Variants in PRKCZ observed in about 807,000 individuals in gnomAD.
PRKCZ encodes the protein protein kinase C zeta type.
In PRKCZ, 33 loss-of-function variants were observed where a neutral mutation model predicts 79.5. That is an observed-to-expected ratio of 0.41 (90% CI 0.31 to 0.55). The LOEUF (loss-of-function observed/expected upper bound fraction) is 0.55. Among genes scored for constraint, PRKCZ ranks in the 20% least tolerant of loss-of-function variants. PRKCZ has a pLI of 0.19. For missense variants in PRKCZ, 578 were observed against 813.5 expected, an observed-to-expected ratio of 0.71 and a Z score of 3.52; for synonymous variants, 342 against 320.9, an observed-to-expected ratio of 1.07 and a Z score of -0.70.
chr1:2,143,304 C>G (rs955242136), intron 5 of PRKCZ: 1 of 152,326 alleles, frequency 6.6e-6, no homozygotes, highest in African/African-American at 2.4e-5. Context: ...GCTGGGATTA[C>G]AGGCGTGAGC....
intron 4 of PRKCZ, 73 bp downstream of exon 4, chr1:2,059,664 G>T (rs879507246): frequency 2.5e-6 from 4 of 1,588,832 alleles, no homozygotes; most frequent in Non-Finnish European, 2.6e-6. Flanking sequence ...TGCCACGGAG[G>T]TGGCAGTGGT....
chr1:2,087,520 C>T (rs1478578862), intron 4 of PRKCZ, among the ~76,000 whole-genome samples: 1 of 152,154 alleles, frequency 6.6e-6, no homozygotes, highest in African/African-American at 2.4e-5. Context: ...CAGGCGAACC[C>T]TGGGGCTTCT....
chr1:2,147,424 T>C (rs975259438), intron 7 of PRKCZ, among the ~76,000 whole-genome samples: 2 of 151,352 alleles, frequency 1.3e-5, no homozygotes, highest in African/African-American at 2.4e-5. Context: ...ATCTATCTGT[T>C]GTCCACTGAC....
chr1:2,164,732 C>T (rs1682999631), intron 10 of PRKCZ, among the ~76,000 whole-genome samples: 1 of 152,214 alleles, frequency 6.6e-6, no homozygotes, highest in Admixed American at 6.5e-5. Flanking sequence ...TTCCCGGGAA[C>T]ATTCTAAATT....
chr1:2,081,714 C>T (rs2490553), intron 4 of PRKCZ, among the ~76,000 whole-genome samples: 55,204 of 151,998 alleles, frequency 0.36, 14,176 homozygotes, highest in African/African-American at 0.7. Context: ...TTGGCAGTGC[C>T]GTAGGGTCAG....
chr1:2,070,443 C>T (rs1200811336), intron 4 of PRKCZ, among the ~76,000 whole-genome samples: 1 of 152,134 alleles, frequency 6.6e-6, no homozygotes, highest in Non-Finnish European at 1.5e-5. Context: ...CGGGAGGACA[C>T]CGTGACTACT....
intron 4 of PRKCZ, among the ~76,000 whole-genome samples, chr1:2,105,851 TGTCATC>T (rs1289371558): frequency 4.6e-5 from 7 of 152,138 alleles, no homozygotes; most frequent in African/African-American, 1.7e-4. Flanking sequence ...GACACATAGT[TGTCATC>T]GTCGGATGAG....
intron 3 of PRKCZ, among the ~76,000 whole-genome samples, chr1:2,057,445 A>G (rs900046802): frequency 1.3e-5 from 2 of 152,216 alleles, no homozygotes. Flanking sequence ...TGGACGATTG[A>G]GTCCAAGATG....
intron 10 of PRKCZ, among the ~76,000 whole-genome samples, chr1:2,164,050 A>G (rs1039932985): frequency 6.6e-5 from 10 of 152,148 alleles, no homozygotes; most frequent in African/African-American, 2.4e-4. Flanking sequence ...CCATCCTTAG[A>G]TTCCTGGGGA....
chr1:2,140,044 G>T lies in PRKCZ; in HGVS notation c.421-4166G>T, dbSNP rs541094488. Among the ~76,000 whole-genome samples the T allele has an allele frequency of 1.3e-3, 199 of 152,366 alleles. 1 individual carries two copies. Among genetic ancestry groups the T allele is most frequent in the Non-Finnish European group, 2.4e-3 (166 of 68,048 alleles). Reference sequence around the variant, plus strand: ...AGGAGTGACCACTTGGGTCCCTGGAGAAGAGGCTATAGAGAGTGAGGGTGG... The same window carrying T: ...AGGAGTGACCACTTGGGTCCCTGGATAAGAGGCTATAGAGAGTGAGGGTGG... On this transcript the variant is annotated intron_variant, in intron 5 of 17. Coordinates refer to ENST00000378567, the MANE Select transcript of PRKCZ (RefSeq NM_002744.6).
At chr1:2,065,509 C>T (rs1318246043) in intron 4 of PRKCZ, among the ~76,000 whole-genome samples, 1 of 152,032 alleles carries the variant, frequency 6.6e-6, no homozygotes. Context: ...AAACCCCGTT[C>T]TCTACTAAAA....
rs1435807556 is a variant in PRKCZ, at chr1:2,128,255, C to A, written c.335-7007C>A. 6.6e-6 allele frequency among the ~76,000 whole-genome samples: 1 copy of A among 152,196 alleles called. No individual in the cohort carries two copies. Among genetic ancestry groups the A allele is most frequent in the Non-Finnish European group, 1.5e-5 (1 of 68,020 alleles). ...ACCACTGCCTTGCACCCATCCGGGC[C>A]CCGCAGGGCCGTCCTGTGGCACTGC... On this transcript the variant is annotated intron_variant, in intron 4 of 17. Transcript: ENST00000378567. This position sits in a 1 kb window ranked among gnomAD's most constrained non-coding sequence, Gnocchi z 6.5.
chr1:2,101,329 G>A lies in PRKCZ; in HGVS notation c.335-33933G>A, dbSNP rs75092086. 3.9e-5 allele frequency among the ~76,000 whole-genome samples: 6 copies of A among 152,256 alleles called. No homozygotes were observed. In the East Asian group the frequency reaches 9.6e-4, roughly 24 times the overall value. ...ACTGGCCACGTCCTCTCAGTAGGGG[G>A]AGGCCAGCGGGCATCTCCCCTCCTC... On this transcript the variant is annotated intron_variant, in intron 4 of 17. Coordinates refer to ENST00000378567, the MANE Select transcript of PRKCZ (RefSeq NM_002744.6).
Position 2,183,231 on chromosome 1 carries a change from A to G in PRKCZ, c.1576-1352A>G, listed in dbSNP as rs114658139. On this transcript the variant is annotated intron_variant, in intron 16 of 17. Transcript: ENST00000378567. The stretch of plus-strand genomic sequence containing the variant: ...GGGAGACAGAGCGAGTCTCAAAACA[A>G]AAACAAAAAACAAAATTAGCTGGGC... Among the ~76,000 whole-genome samples the G allele has an allele frequency of 5.2e-3, 788 of 152,254 alleles. 11 individuals carry two copies. Among genetic ancestry groups the G allele is most frequent in the African/African-American group, 0.018 (747 of 41,542 alleles).
intron 4 of PRKCZ, among the ~76,000 whole-genome samples, chr1:2,093,891 G>A (rs368355629): frequency 9.2e-5 from 14 of 152,248 alleles, no homozygotes; most frequent in East Asian, 7.7e-4. Context: ...GGAGGTCCGC[G>A]GCCGTCAGCG....
chr1:2,185,172 G>A lies in PRKCZ; in HGVS notation c.*163G>A. 1.3e-6 allele frequency: 1 copy of A among 744,034 alleles called. No homozygotes were observed. The highest frequency in any genetic ancestry group is 2.0e-5 in the Admixed American group (1 of 48,788). The allele number at this position is 744,034 out of a possible 1,614,324, so 46.1% of individuals were successfully genotyped here. ...GCGTCAGCGGGCGCTGCTGGGAGCA[G>A]AACAGTCCCTCACACCTGGGCCCGG... is the stretch of plus-strand genomic sequence containing the variant. On this transcript the variant is annotated 3_prime_UTR_variant, in exon 18 of 18. Coordinates refer to ENST00000378567, the MANE Select transcript of PRKCZ (RefSeq NM_002744.6).
At position 2,082,882 on chromosome 1, in the gene PRKCZ, A is replaced by G. The variant is rs995419270; in HGVS notation, c.334+23291A>G. Among the ~76,000 whole-genome samples the G allele has an allele frequency of 7.3e-5, 11 of 149,972 alleles. No homozygotes were observed. Among genetic ancestry groups the G allele is most frequent in the Non-Finnish European group, 1.5e-5 (1 of 67,356 alleles). On this transcript the variant is annotated intron_variant, in intron 4 of 17. Coordinates refer to ENST00000378567, the MANE Select transcript of PRKCZ (RefSeq NM_002744.6). The surrounding 1 kb of genome is among the most constrained non-coding windows in gnomAD (Gnocchi z 4.4). ...GGGTGGAGGGGTGGTGTGAGGGTGC[A>G]AGGGAGAGGGTGGAGAGGGTGGCAG...
At chr1:2,148,437 A>G (rs1049654670) in intron 7 of PRKCZ, among the ~76,000 whole-genome samples, 15 of 151,444 alleles carry the variant, frequency 9.9e-5, no homozygotes, top group African/African-American at 3.4e-4. Flanking sequence ...CCATCTATCC[A>G]TCCATCTATT....
In PRKCZ at chr1:2,050,645, C is replaced by G. The variant is rs1451832421; in HGVS notation, c.15C>G (p.Thr5=). MPSR[T]GPKMEGSGGR... ...GGGAGCGCGCCATGCCCAGCAGGAC[C>G]GGCCCCAAGATGGAAGGGAGCGGCG... The change falls in exon 1 of 18, where the codon ACC becomes ACG. Residue 5 remains threonine, a synonymous_variant. Transcript: ENST00000378567. The G allele has an allele frequency of 1.6e-6, 2 of 1,225,996 alleles. No homozygotes were observed. The highest frequency in any genetic ancestry group is 1.6e-5 in the African/African-American group (1 of 64,064). 75.9% of individuals were successfully genotyped at this position (1,225,996 alleles called of 1,614,324 possible).
Sources: gnomAD v4.1 joint callset for allele counts (sites outside exome capture counted in the v4.1 genomes callset) on GRCh38, gnomAD v4.1.1 for gene constraint, Gnocchi (gnomAD v3.1) non-coding constraint, MANE v1.5 for transcripts, NCBI Gene and HGNC (gene_info 2026-07-23, HGNC 2026-07-21) for gene names.